Variants in PLCB4 observed in about 807,000 individuals in gnomAD.
PLCB4 encodes the protein 1-phosphatidylinositol 4,5-bisphosphate phosphodiesterase beta-4.
A neutral mutation model predicts 178.8 loss-of-function variants in PLCB4; 77 were observed. The ratio of observed to expected loss-of-function variants is 0.43; its 90% CI spans 0.36 to 0.52. The LOEUF is 0.52. Ranked by LOEUF, PLCB4 falls within the 20% of genes least tolerant of loss-of-function variation. The pLI is 0.00. For missense variants in PLCB4, 1,024 were observed against 1,453.4 expected, an observed-to-expected ratio of 0.70 and a Z score of 4.80; for synonymous variants, 496 against 490.8, an observed-to-expected ratio of 1.01 and a Z score of -0.14.
At chr20:9,449,372 G>T (rs2042610074) in intron 32 of PLCB4, among the ~76,000 whole-genome samples, 1 of 152,044 alleles carries the variant, frequency 6.6e-6, no homozygotes, top group Non-Finnish European at 1.5e-5. Flanking sequence ...TGGGGTCCAA[G>T]CAGGAAGTAG....
At chr20:9,219,626 C>T (rs1432009620) in intron 3 of PLCB4, among the ~76,000 whole-genome samples, 1 of 152,142 alleles carries the variant, frequency 6.6e-6, no homozygotes, top group Non-Finnish European at 1.5e-5. Flanking sequence ...GCCTTTCTTC[C>T]AGAGAATCCT....
chr20:9,332,364 A>C (rs2031806310), intron 4 of PLCB4, among the ~76,000 whole-genome samples: 1 of 152,090 alleles, frequency 6.6e-6, no homozygotes, highest in African/African-American at 2.4e-5. Flanking sequence ...ATGTGTCTTT[A>C]CTCACCAGAG....
intron 9 of PLCB4, among the ~76,000 whole-genome samples, chr20:9,367,800 C>A (rs1215999217): frequency 6.6e-6 from 1 of 152,194 alleles, no homozygotes; most frequent in African/African-American, 2.4e-5. Flanking sequence ...TGATTTTTAT[C>A]TAACATGTTC....
chr20:9,480,541 A>G lies in PLCB4; in HGVS notation c.*1532A>G, dbSNP rs1474832369. 3 of 152,464 alleles carry G rather than the reference A, an allele frequency of 2.0e-5. No homozygotes were observed. Among genetic ancestry groups the G allele is most frequent in the Admixed American group, 6.5e-5 (1 of 15,298 alleles). The allele number at this position is 152,464 out of a possible 1,614,324, so 9.4% of individuals were successfully genotyped here. ...CAAATGTTTTGCCTTTTTCATATAC[A>G]TGATATCATCGTTATTTTCAAAGGG... On this transcript the variant is annotated 3_prime_UTR_variant, in exon 40 of 40. Transcript: ENST00000378473.
In PLCB4 at chr20:9,241,990, G is replaced by A. The variant is rs1172239456; in HGVS notation, c.-16+24538G>A. ...CATGTGGCCTCTCAGCCTCTATCAG[G>A]TTAGCCTGGGCTTGTTTGAGGCATC... is the stretch of plus-strand genomic sequence containing the variant. On this transcript the variant is annotated intron_variant, in intron 3 of 39. Coordinates refer to ENST00000378473, the MANE Select transcript of PLCB4 (RefSeq NM_001377142.1). 2.6e-5 allele frequency among the ~76,000 whole-genome samples: 4 copies of A among 152,280 alleles called. No individual in the cohort carries two copies. In the South Asian group the frequency reaches 6.2e-4, roughly 24 times the overall value.
intron 17 of PLCB4, among the ~76,000 whole-genome samples, chr20:9,392,988 A>G (rs1308958289): frequency 6.6e-6 from 1 of 152,168 alleles, no homozygotes. Context: ...CAGAGGTGAT[A>G]GCATACAGGG....
intron 2 of PLCB4, among the ~76,000 whole-genome samples, chr20:9,107,926 T>A (rs1469240063): frequency 6.6e-6 from 1 of 152,086 alleles, no homozygotes; most frequent in Admixed American, 6.6e-5. Context: ...AGAGGTGAGA[T>A]TCTCGATCTC....
chr20:9,413,220 C>T (rs2148523123), intron 25 of PLCB4, among the ~76,000 whole-genome samples: 1 of 152,256 alleles, frequency 6.6e-6, no homozygotes, highest in East Asian at 1.9e-4. Context: ...TTTCCTTGCC[C>T]ACCTCAGCGA....
chr20:9,081,992 A>G (rs2090172013), intron 1 of PLCB4, among the ~76,000 whole-genome samples: 1 of 150,962 alleles, frequency 6.6e-6, no homozygotes, highest in Non-Finnish European at 1.5e-5. Flanking sequence ...TTCCCTGAAG[A>G]TAAGTTATCA....
chr20:9,316,655 A>C (rs1253815415), intron 4 of PLCB4, among the ~76,000 whole-genome samples: 1 of 152,194 alleles, frequency 6.6e-6, no homozygotes, highest in African/African-American at 2.4e-5. Flanking sequence ...ACGAGTCTGC[A>C]CACACTTTTC....
chr20:9,245,247 C>T (rs139108123), intron 3 of PLCB4, among the ~76,000 whole-genome samples: 2 of 152,250 alleles, frequency 1.3e-5, no homozygotes, highest in African/African-American at 4.8e-5. Flanking sequence ...AAGGAAGTCC[C>T]AAGGTCAGTC....
At chr20:9,166,941 A>G (rs887887008) in intron 2 of PLCB4, among the ~76,000 whole-genome samples, 27 of 151,928 alleles carry the variant, frequency 1.8e-4, no homozygotes, top group African/African-American at 5.8e-4. Flanking sequence ...ACTTTCTTAT[A>G]AGAGAGAAAT....
intron 2 of PLCB4, among the ~76,000 whole-genome samples, chr20:9,180,054 T>C (rs1259211980): frequency 1.3e-5 from 2 of 152,196 alleles, no homozygotes; most frequent in African/African-American, 4.8e-5. Flanking sequence ...TTAGGAATGT[T>C]TAGTTCTAAA....
chr20:9,222,289 A>T (rs530243578), intron 3 of PLCB4, among the ~76,000 whole-genome samples: 49 of 151,950 alleles, frequency 3.2e-4, no homozygotes, highest in African/African-American at 1.1e-3. Flanking sequence ...GATGGGGTCT[A>T]GCTATGTTGA....
chr20:9,242,886 G>A (rs531309958), intron 3 of PLCB4, among the ~76,000 whole-genome samples: 22 of 152,278 alleles, frequency 1.4e-4, no homozygotes, highest in South Asian at 4.1e-4. Flanking sequence ...ATGTTGATGC[G>A]TGCTCAATTT....
chr20:9,231,306 T>C (rs191644835), intron 3 of PLCB4, among the ~76,000 whole-genome samples: 1 of 152,278 alleles, frequency 6.6e-6, no homozygotes, highest in South Asian at 2.1e-4. Context: ...AGCTATTATC[T>C]TGTGGGGTTA....
intron 15 of PLCB4, among the ~76,000 whole-genome samples, chr20:9,389,549 A>C (rs1325323198): frequency 6.6e-6 from 1 of 152,226 alleles, no homozygotes; most frequent in African/African-American, 2.4e-5. Context: ...CCTGCTCCTC[A>C]AGAAGAAAGG....
intron 3 of PLCB4, among the ~76,000 whole-genome samples, chr20:9,264,155 G>A (rs1442746929): frequency 6.6e-6 from 1 of 152,086 alleles, no homozygotes; most frequent in Admixed American, 6.6e-5. Flanking sequence ...AACATCTGTG[G>A]CAGCAATTCA....
intron 18 of PLCB4, among the ~76,000 whole-genome samples, chr20:9,394,393 A>G (rs1235683033): frequency 1.3e-5 from 2 of 152,212 alleles, no homozygotes. Flanking sequence ...GTATTCATAT[A>G]CTATAGACAC....
Sources: allele counts gnomAD v4.1 joint callset (sites outside exome capture counted in the v4.1 genomes callset), GRCh38; gene constraint gnomAD v4.1.1; transcripts MANE v1.5; gene names NCBI Gene and HGNC (gene_info 2026-07-23, HGNC 2026-07-21).